IARS2: variants seen among roughly 807,000 people sequenced by gnomAD.
The protein encoded by IARS2 is isoleucine--tRNA ligase, mitochondrial.
In IARS2, 56 loss-of-function variants were observed where a neutral mutation model predicts 126.3. The ratio of observed to expected loss-of-function variants is 0.44; its 90% confidence interval spans 0.36 to 0.55. IARS2 has a LOEUF of 0.55. Among genes scored for constraint, IARS2 ranks in the 20% least tolerant of loss-of-function variants. The pLI, the probability that IARS2 is intolerant of heterozygous loss-of-function variation, is 0.00. For missense variants in IARS2, 1,127 were observed against 1,245.9 expected (o/e 0.90, Z 1.44); for synonymous variants, 407 against 441.1 (o/e 0.92, Z 0.97).
chr1:220,143,228 C>T, intron 21 of IARS2, 94 bp downstream of exon 21: 1 of 786,856 alleles, frequency 1.3e-6, no homozygotes, highest in Non-Finnish European at 2.0e-6. Context: ...AATCAAATAA[C>T]ATTGGGTTAT....
In IARS2 at chr1:220,147,795, T is replaced by C; in HGVS notation, c.*160T>C. On this transcript the variant is annotated 3_prime_UTR_variant, in exon 23 of 23. Transcript: ENST00000366922. The stretch of plus-strand genomic sequence containing the variant: ...AAATCAGAATTATAGAAGAAGTATT[T>C]CCTGTAACTATAGAAAGAATTATGT... 1.5e-6 allele frequency: 1 copy of C among 645,268 alleles called. No homozygotes were observed. 40.0% of individuals were successfully genotyped at this position (645,268 alleles called of 1,614,324 possible).
chr1:220,138,788 C>T lies in IARS2; in HGVS notation c.2176-220C>T, dbSNP rs187732959. On this transcript the variant is annotated intron_variant, in intron 17 of 22. Coordinates refer to ENST00000366922, the MANE Select transcript of IARS2 (RefSeq NM_018060.4). ...ATATAATGAAAATTCAGTCGTTAGG[C>T]GTAAAATCCAGTGGTTGTTCCTATA... Among the ~76,000 whole-genome samples, 4 of 152,094 alleles carry T rather than the reference C, an allele frequency of 2.6e-5. No homozygotes were observed. The East Asian group carries it at 7.7e-4, about 29-fold the overall frequency.
chr1:220,111,610 G>A (rs902245351), intron 11 of IARS2, among the ~76,000 whole-genome samples: 9 of 150,672 alleles, frequency 6.0e-5, no homozygotes, highest in African/African-American at 1.5e-4. Flanking sequence ...GTGTGTGTGT[G>A]TGTGTGTGTG....
chr1:220,137,667 A>G (rs1657402490), intron 16 of IARS2: 1 of 382,446 alleles, frequency 2.6e-6, no homozygotes, highest in Non-Finnish European at 4.8e-6. Context: ...AACAGACATG[A>G]CCAGGGAAGA....
chr1:220,140,585 TAAC>T (rs1305595204), intron 19 of IARS2, among the ~76,000 whole-genome samples: 1 of 149,878 alleles, frequency 6.7e-6, no homozygotes, highest in African/African-American at 2.5e-5. Context: ...TCTCAAAAAA[TAAC>T]AACAACAAAA....
chr1:220,103,885 T>A (rs907426148), intron 8 of IARS2, among the ~76,000 whole-genome samples: 3 of 152,246 alleles, frequency 2.0e-5, no homozygotes, highest in African/African-American at 7.2e-5. Flanking sequence ...GAAATGCATA[T>A]ACTTATTTTT....
chr1:220,116,033 A>AC (rs1449537916), intron 12 of IARS2, among the ~76,000 whole-genome samples: 1 of 152,100 alleles, frequency 6.6e-6, no homozygotes, highest in Admixed American at 6.6e-5. Flanking sequence ...TTACAGTGAG[A>AC]CCCCATCTCT....
chr1:220,140,604 A>G (rs1404690622), intron 19 of IARS2, among the ~76,000 whole-genome samples: 3 of 151,840 alleles, frequency 2.0e-5, no homozygotes. Flanking sequence ...CAAAACCTCA[A>G]CAAGTATTTT....
chr1:220,135,763 C>T (rs1001398816), intron 15 of IARS2, among the ~76,000 whole-genome samples: 1 of 149,100 alleles, frequency 6.7e-6, no homozygotes, highest in Admixed American at 6.7e-5. Flanking sequence ...AGATGATAAT[C>T]TGCTCTTTTT....
intron 10 of IARS2, among the ~76,000 whole-genome samples, chr1:220,110,123 C>T (rs533675892): frequency 1.7e-4 from 26 of 151,676 alleles, no homozygotes; most frequent in African/African-American, 5.5e-4. Context: ...GGCACAATCT[C>T]GGTTCACTAC....
At position 220,141,896 on chromosome 1, in the gene IARS2, C is replaced by A; in HGVS notation, c.2508C>A (p.Pro836=). ...ATGTAATAGTTCGTTCTTTTGCTCC[C>A]ATTCTTCCTCACCTGGCTGAAGAGG... ...ILDVIVRSFA[P]ILPHLAEEVF... The change falls in exon 20 of 23, where the codon CCC becomes CCA. Residue 836 remains proline, a synonymous_variant. Transcript: ENST00000366922. 1 of 1,614,146 alleles carries A rather than the reference C, an allele frequency of 6.2e-7. No homozygotes were observed. The highest frequency in any genetic ancestry group is 8.5e-7 in the Non-Finnish European group (1 of 1,180,004).
At chr1:220,134,566 A>C in intron 15 of IARS2, 56 bp downstream of exon 15, 1 of 1,075,080 alleles carries the variant, frequency 9.3e-7, no homozygotes, top group South Asian at 1.4e-5. Context: ...GTGAAGCACT[A>C]TGCTGAGTAC....
chr1:220,096,196 T>A lies in IARS2; in HGVS notation c.360T>A (p.Gly120=). Residue 120 remains glycine, a synonymous_variant, in exon 2 of 23, where the codon GGT becomes GGA. Coordinates refer to ENST00000366922, the MANE Select transcript of IARS2 (RefSeq NM_018060.4). The part of the protein sequence containing the change: ...CLHDGPPYAN[G]DPHVGHALNK... ...ATGATGGACCTCCTTATGCAAACGG[T>A]GACCCTCATGTTGGACATGCTTTAA... The A allele has an allele frequency of 1.3e-6, 2 of 1,598,400 alleles. No homozygotes were observed. Among genetic ancestry groups the A allele is most frequent in the Non-Finnish European group, 1.7e-6 (2 of 1,172,086 alleles).
chr1:220,094,381 G>C lies in IARS2; in HGVS notation c.165G>C (p.Ser55=), dbSNP rs1176319535. The part of the protein sequence containing the change: ...VSGASNHQPN[S]NSGRYRDTVL... ...GGGCCAGTAACCACCAGCCGAACTCGAATAGTGGCAGATACCGGGACACGG... is the reference window on the plus strand; with the variant it reads ...GGGCCAGTAACCACCAGCCGAACTCCAATAGTGGCAGATACCGGGACACGG... Residue 55 remains serine (S), a synonymous_variant, in exon 1 of 23, where the codon TCG becomes TCC. Coordinates refer to ENST00000366922, the MANE Select transcript of IARS2 (RefSeq NM_018060.4). The C allele has an allele frequency of 1.9e-6, 3 of 1,612,994 alleles. No homozygotes were observed. Among genetic ancestry groups the C allele is most frequent in the Non-Finnish European group, 2.5e-6 (3 of 1,179,706 alleles).
At chr1:220,122,069 C>T (rs1292157399) in intron 12 of IARS2, among the ~76,000 whole-genome samples, 1 of 151,914 alleles carries the variant, frequency 6.6e-6, no homozygotes, top group Non-Finnish European at 1.5e-5. Context: ...CCAGCTTGGG[C>T]CACAGAGTAA....
At chr1:220,133,032 A>G (rs1280918134) in intron 14 of IARS2, among the ~76,000 whole-genome samples, 1 of 146,734 alleles carries the variant, frequency 6.8e-6, no homozygotes, top group African/African-American at 2.5e-5. Context: ...TTTTTTTGAG[A>G]CAGATTCTTA....
intron 9 of IARS2, 136 bp downstream of exon 9, chr1:220,106,196 T>G: frequency 3.2e-6 from 2 of 628,644 alleles, no homozygotes; most frequent in East Asian, 5.7e-5. Flanking sequence ...TGTGTAGTAC[T>G]CTAAAGTTTC....
intron 1 of IARS2, among the ~76,000 whole-genome samples, chr1:220,095,881 C>A (rs1162542109): frequency 6.6e-6 from 1 of 152,150 alleles, no homozygotes; most frequent in African/African-American, 2.4e-5. Context: ...GTTTAGACTT[C>A]AATCTGAGGT....
chr1:220,103,951 G>A (rs933934213), intron 8 of IARS2, among the ~76,000 whole-genome samples: 7 of 152,192 alleles, frequency 4.6e-5, no homozygotes, highest in Non-Finnish European at 8.8e-5. Flanking sequence ...TCAGAAAGCA[G>A]TTCTTCTATC....
Sources: allele counts gnomAD v4.1 joint callset (sites outside exome capture counted in the v4.1 genomes callset), GRCh38; gene constraint gnomAD v4.1.1; transcripts MANE v1.5; gene names NCBI Gene and HGNC (gene_info 2026-07-23, HGNC 2026-07-21).